GRM8: variants seen among roughly 807,000 people sequenced by gnomAD.
The protein encoded by GRM8 is metabotropic glutamate receptor 8.
Under a neutral mutation model 87.2 loss-of-function variants are expected in GRM8, and 47 were observed. That is an observed-to-expected ratio of 0.54 (90% CI 0.43 to 0.69). The LOEUF (loss-of-function observed/expected upper bound fraction) is 0.69. Ranked by LOEUF, GRM8 falls within the 30% of genes least tolerant of loss-of-function variation. The probability of loss-of-function intolerance (pLI) is 0.00; values close to 1 mark genes in which losing one functional copy is unlikely to be tolerated. For synonymous variants in GRM8, 396 were observed against 404.5 expected (o/e 0.98, Z 0.25); for missense variants, 1,019 against 1,139.2 (o/e 0.89, Z 1.52).
chr7:127,126,881 C>T (rs1429058698), intron 2 of GRM8, among the ~76,000 whole-genome samples: 5 of 151,826 alleles, frequency 3.3e-5, no homozygotes, highest in Admixed American at 3.3e-4. Context: ...TCTTACAACT[C>T]ATAACAATAC....
At chr7:126,868,002 G>A (rs1798752967) in intron 6 of GRM8, among the ~76,000 whole-genome samples, 1 of 152,168 alleles carries the variant, frequency 6.6e-6, no homozygotes, top group South Asian at 2.1e-4. Context: ...GAAAATAAAG[G>A]TGTGAACTCT....
intron 3 of GRM8, among the ~76,000 whole-genome samples, chr7:126,948,281 T>A (rs1022916406): frequency 2.0e-5 from 3 of 151,844 alleles, no homozygotes; most frequent in Non-Finnish European, 2.9e-5. Flanking sequence ...GAGGAGGATA[T>A]AATTGAGCTG....
At chr7:126,481,881 G>A (rs910979129) in intron 9 of GRM8, among the ~76,000 whole-genome samples, 17 of 152,016 alleles carry the variant, frequency 1.1e-4, no homozygotes, top group East Asian at 1.9e-4. Flanking sequence ...GGAGAAGGAC[G>A]AAGGAGAGCT....
At chr7:126,703,790 G>A (rs1810198387) in intron 7 of GRM8, among the ~76,000 whole-genome samples, 1 of 152,038 alleles carries the variant, frequency 6.6e-6, no homozygotes, top group Admixed American at 6.6e-5. Flanking sequence ...TCAAACTCTT[G>A]GGCTCAAGCA....
intron 8 of GRM8, among the ~76,000 whole-genome samples, chr7:126,573,898 C>A (rs147251645): frequency 6.6e-6 from 1 of 152,090 alleles, no homozygotes; most frequent in African/African-American, 2.4e-5. Flanking sequence ...CAAATTCCAA[C>A]CTTTCTTATC....
rs150195702 is a variant in GRM8 at position 126,819,179 on chromosome 7, C to G, written c.1157-49114G>C. The stretch of plus-strand genomic sequence containing the variant: ...GGCAAACAAGCAAGAGAGTCACACA[C>G]AAAATATTTCACAATTTAGTTTCAC... On this transcript the variant is annotated intron_variant, in intron 6 of 10. Coordinates refer to ENST00000339582, the MANE Select transcript of GRM8 (RefSeq NM_000845.3). Among the ~76,000 whole-genome samples the G allele has an allele frequency of 6.6e-4, 100 of 152,140 alleles. 1 individual carries two copies. The highest frequency in any genetic ancestry group is 8.7e-4 in the African/African-American group (36 of 41,498).
chr7:126,882,810 A>G (rs1800142112), intron 6 of GRM8, among the ~76,000 whole-genome samples: 1 of 152,170 alleles, frequency 6.6e-6, no homozygotes, highest in South Asian at 2.1e-4. Context: ...GGCATCCCAC[A>G]GAGAAAAAGC....
At chr7:126,974,804 C>T (rs10280177) in intron 3 of GRM8, among the ~76,000 whole-genome samples, 7,816 of 152,076 alleles carry the variant, frequency 0.051, 420 homozygotes, top group African/African-American at 0.14. Flanking sequence ...GTCATGGTGG[C>T]AGGCACCTGT....
At chr7:126,797,758 C>G (rs1822125635) in intron 6 of GRM8, among the ~76,000 whole-genome samples, 2 of 152,048 alleles carry the variant, frequency 1.3e-5, no homozygotes, top group Non-Finnish European at 2.9e-5. Context: ...ACATGAAATA[C>G]TATTCTAAAA....
chr7:126,566,165 A>C (rs1794198704), intron 8 of GRM8, among the ~76,000 whole-genome samples: 1 of 152,194 alleles, frequency 6.6e-6, no homozygotes, highest in Non-Finnish European at 1.5e-5. Context: ...ATTGGCGAAG[A>C]AAACAAAAAT....
intron 7 of GRM8, among the ~76,000 whole-genome samples, chr7:126,720,238 C>T (rs1812237563): frequency 6.6e-6 from 1 of 151,624 alleles, no homozygotes; most frequent in South Asian, 2.1e-4. Context: ...ACTTCCTGGG[C>T]TCAAGTAATC....
chr7:127,197,047 A>T (rs1409359222), intron 2 of GRM8, among the ~76,000 whole-genome samples: 2 of 152,192 alleles, frequency 1.3e-5, no homozygotes, highest in Non-Finnish European at 2.9e-5. Context: ...GATACATGGT[A>T]CAAACGCTCT....
At chr7:127,186,783 G>A (rs1794762028) in intron 2 of GRM8, among the ~76,000 whole-genome samples, 1 of 152,194 alleles carries the variant, frequency 6.6e-6, no homozygotes, top group African/African-American at 2.4e-5. Flanking sequence ...TAAATAGGAT[G>A]CACCTGCTCT....
At chr7:126,786,200 C>G (rs1224808771) in intron 6 of GRM8, among the ~76,000 whole-genome samples, 3 of 152,102 alleles carry the variant, frequency 2.0e-5, no homozygotes, top group Non-Finnish European at 4.4e-5. Flanking sequence ...TTCTAGTTTT[C>G]TTGTGCCCCT....
Position 126,622,921 on chromosome 7 carries a change from A to C in GRM8, c.1358-13423T>G, listed in dbSNP as rs1188529632. ...CTCAAATTTATATGTCTAGCCCTGA[A>C]TGCAGACTTTTCCAATTATCTGTAT... On this transcript the variant is annotated intron_variant, in intron 7 of 10. Transcript: ENST00000339582. 1.3e-5 allele frequency among the ~76,000 whole-genome samples: 2 copies of C among 152,294 alleles called. 1 individual carries two copies. The highest frequency in any genetic ancestry group is 4.1e-4 in the South Asian group (2 of 4,828).
At chr7:126,835,541 A>G (rs1327257618) in intron 6 of GRM8, among the ~76,000 whole-genome samples, 1 of 152,238 alleles carries the variant, frequency 6.6e-6, no homozygotes, top group East Asian at 1.9e-4. Context: ...GCATTAAAAA[A>G]AAGTTTGTAG....
At position 126,629,487 on chromosome 7, in the gene GRM8, A is replaced by T. The variant is rs538516118; in HGVS notation, c.1358-19989T>A. On this transcript the variant is annotated intron_variant, in intron 7 of 10. Coordinates refer to ENST00000339582, the MANE Select transcript of GRM8 (RefSeq NM_000845.3). ...TTTGTAATAATTTATTGTTTGAATA[A>T]GGTATAGTCTTTCAATGCATTTAAC... Among the ~76,000 whole-genome samples, 6 of 152,254 alleles carry T rather than the reference A, an allele frequency of 3.9e-5. No individual in the cohort carries two copies. The South Asian group carries it at 1.0e-3, about 26-fold the overall frequency.
intron 2 of GRM8, among the ~76,000 whole-genome samples, chr7:127,109,550 A>G (rs1016677831): frequency 3.9e-5 from 6 of 152,138 alleles, no homozygotes; most frequent in African/African-American, 1.4e-4. Context: ...TACAAATTCA[A>G]TATCCAGCTC....
intron 2 of GRM8, among the ~76,000 whole-genome samples, chr7:127,114,561 A>C (rs1826585650): frequency 6.6e-6 from 1 of 152,188 alleles, no homozygotes. Flanking sequence ...ACAAACACAG[A>C]GCACATAACA....
Sources: gnomAD v4.1 joint callset for allele counts (sites outside exome capture counted in the v4.1 genomes callset) on GRCh38, gnomAD v4.1.1 for gene constraint, MANE v1.5 for transcripts, NCBI Gene and HGNC (gene_info 2026-07-23, HGNC 2026-07-21) for gene names.